F10: variants seen among roughly 807,000 people sequenced by gnomAD.
F10 encodes the protein Stuart-Prower factor.
Under a neutral mutation model 37.1 loss-of-function variants are expected in F10, and 29 were observed. The ratio of observed to expected loss-of-function variants is 0.78; its 90% CI spans 0.58 to 1.07. F10 has a LOEUF of 1.07. F10 is among the 50% of genes least tolerant of loss of function. The pLI, the probability that F10 is intolerant of heterozygous loss-of-function variation, is 0.00. For synonymous variants in F10, 262 were observed against 268.6 expected (o/e 0.98, Z 0.24); for missense variants, 539 against 667.9 (o/e 0.81, Z 2.13).
chr13:113,144,346 C>T lies in F10; in HGVS notation c.747+251C>T. On this transcript the variant is annotated intron_variant, in intron 6 of 7. Transcript: ENST00000375559. The surrounding 1 kb of genome is among the most constrained non-coding windows in gnomAD (Gnocchi z 6.4). ...GCCCAGGCAACGCCCCCCTCAGCCCCTTCCCACTGGGCATTTCCATGGCTG... is the reference window on the plus strand; with the variant it reads ...GCCCAGGCAACGCCCCCCTCAGCCCTTTCCCACTGGGCATTTCCATGGCTG... 2 of 585,372 alleles carry T rather than the reference C, an allele frequency of 3.4e-6. No homozygotes were observed. The highest frequency in any genetic ancestry group is 6.1e-6 in the Non-Finnish European group (2 of 329,656). 36.3% of individuals were successfully genotyped at this position (585,372 alleles called of 1,614,324 possible).
chr13:113,136,038 A>G lies in F10; in HGVS notation c.232-2419A>G, dbSNP rs150995531. Among the ~76,000 whole-genome samples the G allele has an allele frequency of 4.4e-3, 677 of 152,354 alleles. 5 individuals are homozygous for G. Among genetic ancestry groups the G allele is most frequent in the African/African-American group, 0.015 (644 of 41,586 alleles). ...ATTCGGAATATATAAAGAAATCTTA[A>G]CAGATCAGAAGAAGAAAATAAACAC... On this transcript the variant is annotated intron_variant, in intron 2 of 7. Transcript: ENST00000375559.
intron 5 of F10, among the ~76,000 whole-genome samples, chr13:113,142,862 G>C (rs1204300875): frequency 1.3e-5 from 2 of 152,058 alleles, no homozygotes; most frequent in Non-Finnish European, 2.9e-5. Flanking sequence ...AACCCAGGAG[G>C]TGGAGGTTGC....
intron 2 of F10, chr13:113,130,596 CTT>C (rs919815015): frequency 6.6e-6 from 1 of 152,278 alleles, no homozygotes; most frequent in African/African-American, 2.4e-5. Flanking sequence ...CAAATGGAAA[CTT>C]TGAGGCCCCT....
Position 113,148,933 on chromosome 13 carries a change from C to G in F10, c.883C>G (p.Gln295Glu), listed in dbSNP as rs753597079. ...TGTCCCAGGGGACCGGAACACGGAG[C>G]AGGAGGAGGGCGGTGAGGCGGTGCA... ...KVRVGDRNTE[Q>E]EEGGEAVHEV... Residue 295 changes from glutamine to glutamate, a missense_variant, in exon 8 of 8, where the codon CAG becomes GAG. Gln to Glu is a conservative substitution (Grantham distance 29). Coordinates refer to ENST00000375559, the MANE Select transcript of F10 (RefSeq NM_000504.4). The G allele has an allele frequency of 8.7e-6, 14 of 1,613,354 alleles. No individual in the cohort carries two copies. The highest frequency in any genetic ancestry group is 1.2e-5 in the Non-Finnish European group (14 of 1,179,996).
intron 2 of F10, among the ~76,000 whole-genome samples, chr13:113,135,883 G>A (rs2036474421): frequency 6.6e-6 from 1 of 152,106 alleles, no homozygotes; most frequent in Non-Finnish European, 1.5e-5. Flanking sequence ...AAAGAAAAAA[G>A]TCATAAATTG....
chr13:113,125,512 T>G lies in F10; in HGVS notation c.70+2587T>G, dbSNP rs866685075. Among the ~76,000 whole-genome samples, 8 of 152,384 alleles carry G rather than the reference T, an allele frequency of 5.2e-5. No homozygotes were observed. In the South Asian group the frequency reaches 1.5e-3, roughly 28 times the overall value. Reference sequence around the variant, plus strand: ...ACCACACGACAAATGTCTACCAATCTGGATGCTCCATATCAGAGTTCTAGA... The same window carrying G: ...ACCACACGACAAATGTCTACCAATCGGGATGCTCCATATCAGAGTTCTAGA... On this transcript the variant is annotated intron_variant, in intron 1 of 7. Transcript: ENST00000375559.
chr13:113,149,219 G>T lies in F10; in HGVS notation c.1169G>T (p.Cys390Phe), dbSNP rs199778916. ...GTGCCCTACGTGGACCGCAACAGCTGCAAGCTGTCCAGCAGCTTCATCATC... is the reference window on the plus strand; with the variant it reads ...GTGCCCTACGTGGACCGCAACAGCTTCAAGCTGTCCAGCAGCTTCATCATC... ...LEVPYVDRNS[C>F]KLSSSFIITQ... Residue 390 changes from cysteine to phenylalanine, a missense_variant, in exon 8 of 8, where the codon TGC becomes TTC. Cys to Phe is a radical substitution (Grantham distance 205, BLOSUM62 -2). Coordinates refer to ENST00000375559, the MANE Select transcript of F10 (RefSeq NM_000504.4). This position sits in a 1 kb window ranked among gnomAD's most constrained non-coding sequence, Gnocchi z 7.5. 5.6e-6 allele frequency: 9 copies of T among 1,613,130 alleles called. No individual in the cohort carries two copies. Among genetic ancestry groups the T allele is most frequent in the Admixed American group, 1.7e-5 (1 of 60,026 alleles).
Position 113,144,100 on chromosome 13 carries a change from CA to C in F10, c.747+6del, listed in dbSNP as rs2036559008. The C allele has an allele frequency of 1.2e-6, 2 of 1,613,538 alleles. No homozygotes were observed. The highest frequency in any genetic ancestry group is 3.3e-5 in the Admixed American group (2 of 59,992). ...GACGGGGAGTGTCCCTGGCAGGTAA[CA>C]GTAGGATGTCCCCTCGGGCCTGCTG... On this transcript the variant is annotated splice_donor_region_variant and intron_variant, in intron 6 of 7. Transcript: ENST00000375559. This position sits in a 1 kb window ranked among gnomAD's most constrained non-coding sequence, Gnocchi z 6.4.
chr13:113,130,340 C>T (rs1007946547), intron 2 of F10: 1 of 153,918 alleles, frequency 6.5e-6, no homozygotes, highest in Non-Finnish European at 1.4e-5. Context: ...CTCCTCTCCC[C>T]CGAAGAGGCG....
intron 1 of F10, among the ~76,000 whole-genome samples, chr13:113,124,950 G>A (rs1268408101): frequency 3.9e-5 from 6 of 152,212 alleles, no homozygotes; most frequent in Admixed American, 2.6e-4. Context: ...TGCTCCCATC[G>A]CTGCCTCCAT....
chr13:113,133,988 A>G (rs1167111358), intron 2 of F10, among the ~76,000 whole-genome samples: 2 of 152,242 alleles, frequency 1.3e-5, no homozygotes, highest in Non-Finnish European at 2.9e-5. Flanking sequence ...TGATTTTATA[A>G]AAAACCTATC....
At chr13:113,148,345 A>AAT (rs1555396300) in intron 7 of F10, among the ~76,000 whole-genome samples, 2,314 of 95,242 alleles carry the variant, frequency 0.024, 72 homozygotes, top group African/African-American at 0.07. Flanking sequence ...AAAAAAAAAA[A>AAT]ATATATATAT....
Position 113,139,478 on chromosome 13 carries a change from C to T in F10, c.370+8C>T. On this transcript the variant is annotated splice_region_variant and intron_variant, in intron 4 of 7. Transcript: ENST00000375559. The surrounding 1 kb of genome is among the most constrained non-coding windows in gnomAD (Gnocchi z 5.2). ...GCAAAAACTGTGAATTATGTAGGTT[C>T]CTCTGCTTGGTATACCTTCAGATCA... The T allele has an allele frequency of 6.2e-7, 1 of 1,608,680 alleles. No homozygotes were observed.
rs752060881 is a variant in F10, at chr13:113,139,503, A to C, written c.370+33A>C. 9 of 1,543,306 alleles carry C rather than the reference A, an allele frequency of 5.8e-6. No individual in the cohort carries two copies. Among genetic ancestry groups the C allele is most frequent in the Non-Finnish European group, 8.1e-6 (9 of 1,115,830 alleles). ...CCTCTGCTTGGTATACCTTCAGATC[A>C]GATGCCCCTGAAGAGTGGCAGGTGG... On this transcript the variant is annotated intron_variant, in intron 4 of 7. Coordinates refer to ENST00000375559, the MANE Select transcript of F10 (RefSeq NM_000504.4). This position sits in a 1 kb window ranked among gnomAD's most constrained non-coding sequence, Gnocchi z 5.2.
Position 113,143,324 on chromosome 13 carries a change from T to C in F10, c.503-527T>C, listed in dbSNP as rs2036549985. 1.3e-5 allele frequency among the ~76,000 whole-genome samples: 2 copies of C among 152,188 alleles called. No individual in the cohort carries two copies. The highest frequency in any genetic ancestry group is 2.9e-5 in the Non-Finnish European group (2 of 68,020). On this transcript the variant is annotated intron_variant, in intron 5 of 7. Transcript: ENST00000375559. This position sits in a 1 kb window ranked among gnomAD's most constrained non-coding sequence, Gnocchi z 6.8. Reference sequence around the variant, plus strand: ...CTGTGCTATTCCAGACGCTCTCCTGTGCCTCCAGTTGTTTGCGTGCGCCAT... The same window carrying C: ...CTGTGCTATTCCAGACGCTCTCCTGCGCCTCCAGTTGTTTGCGTGCGCCAT...
intron 1 of F10, among the ~76,000 whole-genome samples, chr13:113,124,971 G>A (rs2036357346): frequency 6.6e-6 from 1 of 152,200 alleles, no homozygotes; most frequent in African/African-American, 2.4e-5. Flanking sequence ...CATCGCATGG[G>A]GTTCTCACCA....
At position 113,149,320 on chromosome 13, in the gene F10, G is replaced by A. The variant is rs201301913; in HGVS notation, c.1270G>A (p.Val424Ile). Residue 424 changes from valine (V) to isoleucine (I), a missense_variant, in exon 8 of 8, where the codon GTC (valine) becomes ATC (isoleucine). By Grantham distance (29) the Val-to-Ile change is conservative. Around this residue, in one of 2 missense-constraint regions of F10, gnomAD observed 409 missense variants for 547.9 expected, o/e 0.75. Coordinates refer to ENST00000375559, the MANE Select transcript of F10 (RefSeq NM_000504.4). This position sits in a 1 kb window ranked among gnomAD's most constrained non-coding sequence, Gnocchi z 7.5. The stretch of plus-strand genomic sequence containing the variant: ...CCAGGGGGACAGCGGGGGCCCGCAC[G>A]TCACCCGCTTCAAGGACACCTACTT... Reference protein sequence around the residue: ...ACQGDSGGPHVTRFKDTYFVT... With the variant: ...ACQGDSGGPHITRFKDTYFVT... 6.9e-5 allele frequency: 112 copies of A among 1,613,272 alleles called. No individual in the cohort carries two copies. Among genetic ancestry groups the A allele is most frequent in the Admixed American group, 6.7e-4 (40 of 60,032 alleles).
At chr13:113,148,684 G>A (rs2036608261) in intron 7 of F10, among the ~76,000 whole-genome samples, 1 of 152,172 alleles carries the variant, frequency 6.6e-6, no homozygotes, top group African/African-American at 2.4e-5. Flanking sequence ...CACAGGAGTG[G>A]CGGCCGTCTA....
At chr13:113,140,777 C>T in intron 4 of F10, 142 bp from the exon 5 acceptor site, 2 of 1,260,580 alleles carry the variant, frequency 1.6e-6, no homozygotes, top group East Asian at 2.3e-5. Flanking sequence ...GGCAAGTGTA[C>T]CTGTCGCCTG....
Sources: allele counts gnomAD v4.1 joint callset (sites outside exome capture counted in the v4.1 genomes callset), GRCh38; gene constraint gnomAD v4.1.1; regional missense constraint gnomAD v4.1.1; non-coding constraint Gnocchi (gnomAD v3.1); transcripts MANE v1.5; gene names NCBI Gene and HGNC (gene_info 2026-07-23, HGNC 2026-07-21).